Variants in PARVB observed in about 807,000 individuals in gnomAD.
PARVB encodes beta-parvin.
Under a neutral mutation model 47.0 loss-of-function variants are expected in PARVB, and 46 were observed. That is an observed-to-expected ratio of 0.98 (90% CI 0.77 to 1.25). PARVB has a LOEUF of 1.25. PARVB is among the 50% of genes most tolerant of loss of function. The pLI is 0.00. For synonymous variants in PARVB, 196 were observed against 196.3 expected (o/e 1.00, Z 0.01); for missense variants, 473 against 471.6 (o/e 1.00, Z -0.03).
intron 8 of PARVB, chr22:44,141,799 T>C (rs1268676242): frequency 6.6e-6 from 1 of 152,322 alleles, no homozygotes; most frequent in Non-Finnish European, 1.5e-5. Context: ...CTCTGTTTTT[T>C]GTTTGTTTGT....
At chr22:44,016,810 G>T (rs960933756) in intron 2 of PARVB, among the ~76,000 whole-genome samples, 3 of 152,200 alleles carry the variant, frequency 2.0e-5, no homozygotes, top group Admixed American at 2.0e-4. Context: ...GCTCAGAAAT[G>T]TTCAGATTTT....
intron 1 of PARVB, among the ~76,000 whole-genome samples, chr22:44,059,328 G>A (rs368660513): frequency 1.3e-5 from 2 of 152,172 alleles, no homozygotes; most frequent in African/African-American, 4.8e-5. Flanking sequence ...TTACAGACAT[G>A]AGCCTCTGTG....
chr22:44,081,601 C>T, intron 1 of PARVB: 1 of 985,330 alleles, frequency 1.0e-6, no homozygotes, highest in African/African-American at 1.7e-5. Context: ...TTCTGCACGG[C>T]CGTTTCTGCT....
chr22:44,057,542 A>T (rs998361848), intron 1 of PARVB, among the ~76,000 whole-genome samples: 6 of 150,216 alleles, frequency 4.0e-5, no homozygotes, highest in Non-Finnish European at 8.9e-5. Context: ...TTGGAGCCTG[A>T]GTTTATCCGC....
Position 44,026,854 on chromosome 22 carries a change from C to T in PARVB, c.112+2403C>T, listed in dbSNP as rs559264096. Reference sequence around the variant, plus strand: ...AGGAGGGGGAAGCTGGGGGAAGGGGCGGGCTCATCGGTGAGGTTCCAGATT... The same window carrying T: ...AGGAGGGGGAAGCTGGGGGAAGGGGTGGGCTCATCGGTGAGGTTCCAGATT... On this transcript the variant is annotated intron_variant, in intron 1 of 12. Transcript: ENST00000338758. Among the ~76,000 whole-genome samples the T allele has an allele frequency of 3.9e-3, 509 of 132,194 alleles. 4 individuals carry two copies. The highest frequency in any genetic ancestry group is 0.014 in the African/African-American group (483 of 34,828). The allele number at this position is 132,194 out of a possible 152,430, so 86.7% of individuals were successfully genotyped here.
chr22:44,140,662 C>T (rs2053533356), intron 8 of PARVB: 1 of 508,052 alleles, frequency 2.0e-6, no homozygotes, highest in Non-Finnish European at 4.0e-6. Flanking sequence ...TCTCTCTGCT[C>T]CTCATCCGTG....
intron 1 of PARVB, among the ~76,000 whole-genome samples, chr22:44,028,200 C>T (rs2050764370): frequency 6.6e-6 from 1 of 152,070 alleles, no homozygotes; most frequent in Admixed American, 6.6e-5. Flanking sequence ...GTGACATGGA[C>T]CCACCATTAC....
chr22:44,172,796 C>A lies in PARVB; in HGVS notation c.*4118C>A, dbSNP rs1189053097. 2.8e-6 allele frequency: 1 copy of A among 354,050 alleles called. No individual in the cohort carries two copies. The highest frequency in any genetic ancestry group is 5.1e-6 in the Non-Finnish European group (1 of 194,236). 21.9% of individuals were successfully genotyped at this position (354,050 alleles called of 1,614,324 possible). A position where few individuals can be genotyped will look rare whatever the true frequency, so the allele number is the denominator to read the frequency against. On this transcript the variant is annotated 3_prime_UTR_variant, in exon 13 of 13. Transcript: ENST00000338758. Reference sequence around the variant, plus strand: ...CTGGCCATGCTGTTTGTCAGGCCCACCTGGCTGAGTGCAGGAAGCAAGCGC... The same window carrying A: ...CTGGCCATGCTGTTTGTCAGGCCCAACTGGCTGAGTGCAGGAAGCAAGCGC...
At chr22:44,122,574 G>GACACAGAGAC (rs1569134611) in intron 4 of PARVB, among the ~76,000 whole-genome samples, 2 of 107,416 alleles carry the variant, frequency 1.9e-5, no homozygotes, top group African/African-American at 4.1e-5. Flanking sequence ...GAGAGAGAGA[G>GACACAGAGAC]AGAGAGAGAG....
intron 8 of PARVB, chr22:44,147,653 T>A: frequency 1.3e-6 from 1 of 741,030 alleles, no homozygotes; most frequent in South Asian, 1.4e-5. Flanking sequence ...TTCTGGTTGT[T>A]CCCAAGCGCT....
At chr22:44,158,130 T>C in intron 11 of PARVB, 47 bp downstream of exon 11, 4 of 1,284,424 alleles carry the variant, frequency 3.1e-6, no homozygotes, top group Admixed American at 3.4e-5. Flanking sequence ...GAAATGCTCA[T>C]TGAAATGCAG....
chr22:44,148,113 G>C (rs6006678), intron 9 of PARVB, 191 bp downstream of exon 9: 70,518 of 607,754 alleles, frequency 0.12, 7,005 homozygotes, highest in South Asian at 0.28. Context: ...ACTCAACCTC[G>C]CTGCTCCCTG....
intron 1 of PARVB, among the ~76,000 whole-genome samples, chr22:44,086,064 G>A (rs1007521848): frequency 2.0e-5 from 3 of 152,184 alleles, no homozygotes; most frequent in East Asian, 3.8e-4. Context: ...CAAGCTGAGC[G>A]ATCCTTCCGG....
At chr22:44,056,767 A>G (rs1487966179) in intron 1 of PARVB, among the ~76,000 whole-genome samples, 1 of 151,320 alleles carries the variant, frequency 6.6e-6, no homozygotes, top group African/African-American at 2.4e-5. Context: ...CAGCTTCCCA[A>G]AGTGCTGGGA....
chr22:44,028,335 T>C (rs539651289), intron 1 of PARVB, among the ~76,000 whole-genome samples: 1 of 152,250 alleles, frequency 6.6e-6, no homozygotes, highest in South Asian at 2.1e-4. Context: ...GGTTTTTGTT[T>C]TTGTTTTTTT....
intron 2 of PARVB, among the ~76,000 whole-genome samples, chr22:44,096,918 C>T (rs1276773313): frequency 6.6e-6 from 1 of 152,126 alleles, no homozygotes; most frequent in Non-Finnish European, 1.5e-5. Flanking sequence ...GAACCAGGCC[C>T]ACCTAGCCTG....
At chr22:44,138,606 C>T (rs1311958778) in intron 7 of PARVB, among the ~76,000 whole-genome samples, 1 of 152,208 alleles carries the variant, frequency 6.6e-6, no homozygotes, top group Non-Finnish European at 1.5e-5. Context: ...CAAAGATCCA[C>T]ATTCAGTTTC....
intron 1 of PARVB, among the ~76,000 whole-genome samples, chr22:44,046,964 C>CG (rs574803883): frequency 6.6e-6 from 1 of 151,692 alleles, no homozygotes; most frequent in African/African-American, 2.4e-5. Context: ...GGTCGGTGTG[C>CG]GGGGGGTGGG....
intron 12 of PARVB, among the ~76,000 whole-genome samples, chr22:44,164,397 G>C (rs2054119619): frequency 8.3e-6 from 1 of 119,976 alleles, no homozygotes; most frequent in African/African-American, 3.6e-5. Context: ...GGGGCGGGCG[G>C]TTGCTTCCCT....
Sources: gnomAD v4.1 joint callset for allele counts (sites outside exome capture counted in the v4.1 genomes callset) on GRCh38, gnomAD v4.1.1 for gene constraint, MANE v1.5 for transcripts, NCBI Gene and HGNC (gene_info 2026-07-23, HGNC 2026-07-21) for gene names.